RIMS1: variants seen among roughly 807,000 people sequenced by gnomAD.
RIMS1 encodes the protein regulating synaptic membrane exocytosis 1, also known as regulating synaptic membrane exocytosis protein 1.
RIMS1 carries 83 observed loss-of-function variants against 214.1 expected under a neutral mutation model. The observed-to-expected ratio is 0.39, with a 90% CI of 0.32 to 0.47. The LOEUF is 0.47. Ranked by LOEUF, RIMS1 falls within the 20% of genes least tolerant of loss-of-function variation. The pLI is 0.99. For synonymous variants in RIMS1, 793 were observed against 786.8 expected, an observed-to-expected ratio of 1.01 and a Z score of -0.13; for missense variants, 2,050 against 2,161.8, an observed-to-expected ratio of 0.95 and a Z score of 1.03.
intron 4 of RIMS1, among the ~76,000 whole-genome samples, chr6:72,106,977 A>G (rs1414481094): frequency 1.3e-5 from 2 of 152,106 alleles, no homozygotes; most frequent in African/African-American, 2.4e-5. Context: ...ACCTATTTTC[A>G]GTTTTTCTCT....
At chr6:71,931,430 T>A (rs919837293) in intron 1 of RIMS1, among the ~76,000 whole-genome samples, 2 of 152,136 alleles carry the variant, frequency 1.3e-5, no homozygotes, top group African/African-American at 4.8e-5. Flanking sequence ...CTAATAATAA[T>A]AATAACAACA....
intron 1 of RIMS1, among the ~76,000 whole-genome samples, chr6:71,917,427 G>A (rs1236447315): frequency 6.6e-6 from 1 of 152,088 alleles, no homozygotes; most frequent in East Asian, 1.9e-4. Context: ...TCCAGGCATA[G>A]GGAACAAGTA....
rs769394447 is a variant in RIMS1 at position 72,071,843 on chromosome 6, G to A, written c.246-25106G>A. Reference sequence around the variant, plus strand: ...TAGGGTGGTGAAGGGCTAAAAAATCGTTCCAAATAGTAAATGACTTAGCCT... The same window carrying A: ...TAGGGTGGTGAAGGGCTAAAAAATCATTCCAAATAGTAAATGACTTAGCCT... On this transcript the variant is annotated intron_variant, in intron 2 of 33. Transcript: ENST00000521978. Among the ~76,000 whole-genome samples the A allele has an allele frequency of 3.9e-5, 6 of 152,118 alleles. No individual in the cohort carries two copies. The East Asian group carries it at 9.6e-4, about 24-fold the overall frequency.
rs531118379 is a variant in RIMS1, at chr6:72,060,170, T to C, written c.246-36779T>C. On this transcript the variant is annotated intron_variant, in intron 2 of 33. Transcript: ENST00000521978. ...TTTAAGTAGAGACAGGGTTTCTCCA[T>C]GTTGGTCAGGCTGGTCTCAAACTCC... 1.3e-3 allele frequency among the ~76,000 whole-genome samples: 193 copies of C among 152,150 alleles called. 1 individual carries two copies. The highest frequency in any genetic ancestry group is 3.4e-3 in the Middle Eastern group (1 of 294).
chr6:72,251,197 T>G lies in RIMS1; in HGVS notation c.2545-18T>G. ...TTTGATAAAGGTACTTGATTTAATT[T>G]GAGAATTACCCTCTCAGATCCTCAT... On this transcript the variant is annotated intron_variant, in intron 14 of 33. Transcript: ENST00000521978. The G allele has an allele frequency of 6.3e-7, 1 of 1,585,502 alleles. No individual in the cohort carries two copies. Among genetic ancestry groups the G allele is most frequent in the Non-Finnish European group, 8.6e-7 (1 of 1,164,292 alleles).
intron 28 of RIMS1, among the ~76,000 whole-genome samples, chr6:72,318,333 A>G (rs1370348639): frequency 2.6e-5 from 4 of 151,718 alleles, no homozygotes; most frequent in South Asian, 2.1e-4. Flanking sequence ...TCCCCCCTCC[A>G]TTACACTGGA....
intron 29 of RIMS1, among the ~76,000 whole-genome samples, chr6:72,365,059 A>G (rs2097946469): frequency 6.6e-6 from 1 of 152,252 alleles, no homozygotes; most frequent in Non-Finnish European, 1.5e-5. Flanking sequence ...TTTTCTACCC[A>G]GAGTCTCCAC....
intron 3 of RIMS1, among the ~76,000 whole-genome samples, chr6:72,099,678 A>G (rs778286642): frequency 2.8e-4 from 43 of 152,252 alleles, no homozygotes; most frequent in Non-Finnish European, 4.9e-4. Context: ...CTTTATGAAG[A>G]ATATTTTAAA....
intron 30 of RIMS1, among the ~76,000 whole-genome samples, chr6:72,391,663 C>G (rs1006094924): frequency 1.3e-5 from 2 of 151,998 alleles, no homozygotes; most frequent in African/African-American, 4.8e-5. Flanking sequence ...ATATTCCTTC[C>G]CATTCCTGAA....
intron 6 of RIMS1, among the ~76,000 whole-genome samples, chr6:72,188,439 A>C (rs1462040309): frequency 6.6e-6 from 1 of 152,240 alleles, no homozygotes; most frequent in Non-Finnish European, 1.5e-5. Flanking sequence ...AAATGCTGAT[A>C]TGAAGTCAAT....
At chr6:71,916,195 T>G (rs1170387788) in intron 1 of RIMS1, among the ~76,000 whole-genome samples, 1 of 152,140 alleles carries the variant, frequency 6.6e-6, no homozygotes, top group Non-Finnish European at 1.5e-5. Flanking sequence ...AATTTCTCAC[T>G]TCCAATGTGA....
At chr6:72,254,013 G>T (rs1016730302) in intron 16 of RIMS1, among the ~76,000 whole-genome samples, 2 of 152,032 alleles carry the variant, frequency 1.3e-5, no homozygotes, top group African/African-American at 4.8e-5. Context: ...CTACAGGTGT[G>T]CACCACCATG....
intron 29 of RIMS1, among the ~76,000 whole-genome samples, chr6:72,352,161 T>A (rs900175504): frequency 4.6e-5 from 7 of 152,208 alleles, no homozygotes; most frequent in African/African-American, 1.7e-4. Flanking sequence ...GTAGACTATC[T>A]TAAACTGTTC....
intron 4 of RIMS1, among the ~76,000 whole-genome samples, chr6:72,159,995 C>A (rs2045099367): frequency 7.3e-6 from 1 of 136,348 alleles, no homozygotes; most frequent in Non-Finnish European, 1.7e-5. Flanking sequence ...AGGCCATTTT[C>A]ACGATATTGA....
At position 72,335,914 on chromosome 6, in the gene RIMS1, A is replaced by C. The variant is rs530365188; in HGVS notation, c.4366+2079A>C. Reference sequence around the variant, plus strand: ...GTTCATATTCTTTGCCCATTTTATGATGGGGTTGTTCTTCTCTTGTAAATT... The same window carrying C: ...GTTCATATTCTTTGCCCATTTTATGCTGGGGTTGTTCTTCTCTTGTAAATT... On this transcript the variant is annotated intron_variant, in intron 29 of 33. Transcript: ENST00000521978. Among the ~76,000 whole-genome samples, 8 of 151,866 alleles carry C rather than the reference A, an allele frequency of 5.3e-5. No individual in the cohort carries two copies. In the East Asian group the frequency reaches 1.6e-3, roughly 30 times the overall value.
chr6:72,324,786 G>A (rs902413664), intron 28 of RIMS1, among the ~76,000 whole-genome samples: 7 of 151,684 alleles, frequency 4.6e-5, no homozygotes, highest in African/African-American at 1.7e-4. Context: ...ACACATCTAT[G>A]CCCATTTCCT....
intron 2 of RIMS1, among the ~76,000 whole-genome samples, chr6:72,006,497 A>C (rs1439682495): frequency 6.6e-6 from 1 of 152,178 alleles, no homozygotes; most frequent in Non-Finnish European, 1.5e-5. Flanking sequence ...CAGTGGGTGC[A>C]GTGCACCGAG....
At chr6:72,049,317 G>A (rs1372254231) in intron 2 of RIMS1, among the ~76,000 whole-genome samples, 2 of 151,978 alleles carry the variant, frequency 1.3e-5, no homozygotes, top group African/African-American at 4.8e-5. Flanking sequence ...AGAGTTCAGA[G>A]CCCGTATTTG....
intron 29 of RIMS1, among the ~76,000 whole-genome samples, chr6:72,389,619 T>G (rs575844094): frequency 6.5e-4 from 99 of 152,314 alleles, no homozygotes; most frequent in Middle Eastern, 3.4e-3. Context: ...ATAGTAGTTA[T>G]GTATGTAATT....
Sources: gnomAD v4.1 joint callset for allele counts (sites outside exome capture counted in the v4.1 genomes callset) on GRCh38, gnomAD v4.1.1 for gene constraint, MANE v1.5 for transcripts, NCBI Gene and HGNC (gene_info 2026-07-23, HGNC 2026-07-21) for gene names.